Variants in NFASC observed in about 807,000 individuals in gnomAD.
NFASC encodes the protein neurofascin.
NFASC carries 43 observed loss-of-function variants against 147.5 expected under a neutral mutation model. The observed-to-expected ratio is 0.29, with a 90% CI of 0.23 to 0.38. The LOEUF is 0.38. Ranked by LOEUF, NFASC falls within the 10% of genes least tolerant of loss-of-function variation. NFASC has a pLI of 1.00. For missense variants in NFASC, 1,320 were observed against 1,689.0 expected, an observed-to-expected ratio of 0.78 and a Z score of 3.83; for synonymous variants, 622 against 665.5, an observed-to-expected ratio of 0.93 and a Z score of 1.01.
At chr1:204,868,317 A>G (rs916149265) in intron 1 of NFASC, among the ~76,000 whole-genome samples, 7 of 152,054 alleles carry the variant, frequency 4.6e-5, no homozygotes, top group African/African-American at 1.7e-4. Context: ...GGCACACCAG[A>G]CCTCTTTGGA....
Position 204,934,884 on chromosome 1 carries a change from G to T in NFASC, c.-90-9342G>T, listed in dbSNP as rs568128209. 2.6e-5 allele frequency among the ~76,000 whole-genome samples: 4 copies of T among 152,342 alleles called. No individual in the cohort carries two copies. In the East Asian group the frequency reaches 7.7e-4, roughly 29 times the overall value. On this transcript the variant is annotated intron_variant, in intron 2 of 29. Transcript: ENST00000339876. ...TCCGAAGAAAAATATGGGCACTGTG[G>T]ACGGGAGGAGGATAGTATGGGTGCT...
chr1:204,858,342 A>C lies in NFASC; in HGVS notation c.-200+29560A>C, dbSNP rs1299501320. ...CAAATACTGCTCAGTCATATTCTGC[A>C]CCCATACCGGGATAGAACACCAAAT... On this transcript the variant is annotated intron_variant, in intron 1 of 29. Transcript: ENST00000339876. 2.6e-5 allele frequency among the ~76,000 whole-genome samples: 4 copies of C among 152,218 alleles called. No homozygotes were observed. In the South Asian group the frequency reaches 6.2e-4, roughly 24 times the overall value.
chr1:204,908,814 A>G (rs1283349635), intron 1 of NFASC, among the ~76,000 whole-genome samples: 1 of 152,140 alleles, frequency 6.6e-6, no homozygotes, highest in Non-Finnish European at 1.5e-5. Context: ...CCACTATAAA[A>G]AGTCACAAAG....
In NFASC at chr1:204,954,813, G is replaced by A. The variant is rs375501420; in HGVS notation, c.413-16G>A. ...CCATCACCCTCACTTTATCCTCTTT[G>A]TCCACTTCTCTCCAGAATCTCCTCT... is the stretch of plus-strand genomic sequence containing the variant. On this transcript the variant is annotated splice_polypyrimidine_tract_variant and intron_variant, in intron 6 of 29. Transcript: ENST00000339876. The surrounding 1 kb of genome is among the most constrained non-coding windows in gnomAD (Gnocchi z 5.7). The A allele has an allele frequency of 2.7e-5, 43 of 1,613,710 alleles. No individual in the cohort carries two copies. The highest frequency in any genetic ancestry group is 3.4e-5 in the Non-Finnish European group (40 of 1,179,896).
At chr1:204,865,433 C>G (rs1398754043) in intron 1 of NFASC, among the ~76,000 whole-genome samples, 2 of 152,104 alleles carry the variant, frequency 1.3e-5, no homozygotes, top group Admixed American at 6.6e-5. Context: ...TTCAATAAGG[C>G]AGGGGGGACT....
chr1:204,931,421 C>A (rs2092353849), intron 2 of NFASC, among the ~76,000 whole-genome samples: 1 of 152,216 alleles, frequency 6.6e-6, no homozygotes, highest in Non-Finnish European at 1.5e-5. Flanking sequence ...TATCCCAATG[C>A]AGAATGGCTG....
At chr1:204,909,335 C>T (rs892507312) in intron 1 of NFASC, among the ~76,000 whole-genome samples, 1 of 152,082 alleles carries the variant, frequency 6.6e-6, no homozygotes, top group African/African-American at 2.4e-5. Context: ...TTTTAATTTG[C>T]ATTCCCCCAG....
intron 22 of NFASC, among the ~76,000 whole-genome samples, chr1:204,988,048 A>G (rs545571024): frequency 6.6e-6 from 1 of 152,366 alleles, no homozygotes; most frequent in South Asian, 2.1e-4. Context: ...GCTCAGCATC[A>G]CCATGCAGGG....
intron 1 of NFASC, among the ~76,000 whole-genome samples, chr1:204,887,132 C>T (rs767803784): frequency 3.3e-5 from 5 of 152,190 alleles, no homozygotes; most frequent in Non-Finnish European, 5.9e-5. Flanking sequence ...TAAAACTCTA[C>T]TCATTAAACA....
intron 1 of NFASC, among the ~76,000 whole-genome samples, chr1:204,917,937 T>C (rs2089646076): frequency 6.6e-6 from 1 of 152,144 alleles, no homozygotes; most frequent in Non-Finnish European, 1.5e-5. Context: ...GGCCTTACAG[T>C]GAACAGAGCT....
Position 205,016,230 on chromosome 1 carries a change from C to T in NFASC, c.3492-78C>T, listed in dbSNP as rs1411543538. On this transcript the variant is annotated intron_variant, in intron 29 of 29. Transcript: ENST00000339876. This position sits in a 1 kb window ranked among gnomAD's most constrained non-coding sequence, Gnocchi z 5.1. ...TCTCCTGGATCCCATCCTCTCTGAGCTGTGTAGGGCATGTGCTGGCAGGAG... is the reference window on the plus strand; with the variant it reads ...TCTCCTGGATCCCATCCTCTCTGAGTTGTGTAGGGCATGTGCTGGCAGGAG... The T allele has an allele frequency of 4.2e-6, 4 of 963,108 alleles. No homozygotes were observed. The Admixed American group carries it at 5.2e-5, about 12-fold the overall frequency. The allele number at this position is 963,108 out of a possible 1,614,324, so 59.7% of individuals were successfully genotyped here.
chr1:204,945,034 C>T (rs868589956), intron 3 of NFASC: 3 of 152,182 alleles, frequency 2.0e-5, no homozygotes, highest in Non-Finnish European at 4.4e-5. Context: ...AAAGTAAAAT[C>T]GCTGTCATTC....
chr1:204,985,158 C>CCTGGGAGACA (rs1166547579), intron 21 of NFASC, among the ~76,000 whole-genome samples: 1 of 152,230 alleles, frequency 6.6e-6, no homozygotes, highest in African/African-American at 2.4e-5. Flanking sequence ...CCACAGGCAG[C>CCTGGGAGACA]CTGGGAGACA....
chr1:204,980,271 A>C, intron 19 of NFASC, 99 bp from the exon 20 acceptor site: 1 of 851,402 alleles, frequency 1.2e-6, no homozygotes, highest in South Asian at 1.4e-5. Flanking sequence ...GGAAAGACAG[A>C]GCATAGAACA....
At chr1:204,991,570 G>A (rs1464246592) in intron 24 of NFASC, among the ~76,000 whole-genome samples, 3 of 152,152 alleles carry the variant, frequency 2.0e-5, no homozygotes, top group Non-Finnish European at 2.9e-5. Flanking sequence ...CACACACACC[G>A]GCCCTGACCT....
chr1:204,978,762 G>T (rs551044001), intron 17 of NFASC, among the ~76,000 whole-genome samples: 10 of 152,232 alleles, frequency 6.6e-5, no homozygotes, highest in South Asian at 2.1e-4. Flanking sequence ...TGTGGGGGGG[G>T]GCTGGGATTT....
At chr1:204,900,384 G>A (rs2084296210) in intron 1 of NFASC, among the ~76,000 whole-genome samples, 1 of 152,146 alleles carries the variant, frequency 6.6e-6, no homozygotes, top group East Asian at 1.9e-4. Context: ...CCAAGTGCTG[G>A]GAGCTTCAGA....
chr1:204,867,056 G>T (rs1003159864), intron 1 of NFASC, among the ~76,000 whole-genome samples: 10 of 151,606 alleles, frequency 6.6e-5, no homozygotes, highest in African/African-American at 9.7e-5. Context: ...CAGTGTAGAT[G>T]TTACTATCCT....
At chr1:204,834,811 A>G (rs1315546812) in intron 1 of NFASC, among the ~76,000 whole-genome samples, 1 of 152,162 alleles carries the variant, frequency 6.6e-6, no homozygotes, top group Non-Finnish European at 1.5e-5. Flanking sequence ...AGAATAAAAA[A>G]GTTCTTGGCA....
Sources: gnomAD v4.1 joint callset for allele counts (sites outside exome capture counted in the v4.1 genomes callset) on GRCh38, gnomAD v4.1.1 for gene constraint, Gnocchi (gnomAD v3.1) non-coding constraint, MANE v1.5 for transcripts, NCBI Gene and HGNC (gene_info 2026-07-23, HGNC 2026-07-21) for gene names.